The following ZBTB24 variants were observed in gnomAD, a reference collection of about 807,000 sequenced individuals.
ZBTB24 encodes zinc finger and BTB domain-containing protein 24.
In ZBTB24, 32 loss-of-function variants were observed where a neutral mutation model predicts 53.8. The observed-to-expected ratio is 0.60, with a 90% CI of 0.45 to 0.80. The LOEUF is 0.80. Ranked by LOEUF, ZBTB24 falls within the 30% of genes least tolerant of loss-of-function variation. ZBTB24 has a pLI of 0.00. For synonymous variants in ZBTB24, 297 were observed against 306.7 expected (o/e 0.97, Z 0.33); for missense variants, 722 against 837.1 (o/e 0.86, Z 1.70).
chr6:109,476,932 TG>T lies in ZBTB24; in HGVS notation c.953-3del. 1 of 1,613,798 alleles carries T rather than the reference TG, an allele frequency of 6.2e-7. No individual in the cohort carries two copies. The highest frequency in any genetic ancestry group is 8.5e-7 in the Non-Finnish European group (1 of 1,179,962). On this transcript the variant is annotated splice_polypyrimidine_tract_variant and splice_region_variant and intron_variant, in intron 2 of 6. Transcript: ENST00000230122. ...CATTACATTTGAAAGGTCGCTCCCC[TG>T]GAAGAAGAGCCCCAGAAGCATGGTA...
Position 109,481,293 on chromosome 6 carries a change from T to A in ZBTB24, c.734A>T (p.Asp245Val), listed in dbSNP as rs1175971574. The A allele has an allele frequency of 6.2e-7, 1 of 1,614,174 alleles. No homozygotes were observed. The highest frequency in any genetic ancestry group is 8.5e-7 in the Non-Finnish European group (1 of 1,180,020). Residue 245 changes from aspartate (D) to valine (V), a missense_variant, in exon 2 of 7, where the codon GAT becomes GTT. Asp to Val is a radical substitution (Grantham distance 152, BLOSUM62 -3). Coordinates refer to ENST00000230122, the MANE Select transcript of ZBTB24 (RefSeq NM_014797.3). ...GTATCGACTCTGGCTTGCCTGGCCA[T>A]CCTCGGTCTTGGGATCATAGTTCTC... ...KDENYDPKTE[D>V]GQASQSRYSK...
intron 5 of ZBTB24, among the ~76,000 whole-genome samples, chr6:109,471,377 A>C (rs1298648427): frequency 6.6e-6 from 1 of 152,212 alleles, no homozygotes; most frequent in African/African-American, 2.4e-5. Flanking sequence ...GGTCTCAGGA[A>C]GATGGGAAGA....
chr6:109,475,389 G>A lies in ZBTB24; in HGVS notation c.1288+10C>T, dbSNP rs1776258344. On this transcript the variant is annotated intron_variant, in intron 5 of 6. Coordinates refer to ENST00000230122, the MANE Select transcript of ZBTB24 (RefSeq NM_014797.3). ...CGTGTACTGGGGGGACAGACGAGAT[G>A]GAGTTTTACCTGTGTGTGTTCGCAG... 3 of 1,614,124 alleles carry A rather than the reference G, an allele frequency of 1.9e-6. No individual in the cohort carries two copies. The East Asian group carries it at 6.7e-5, about 36-fold the overall frequency.
In ZBTB24 at chr6:109,466,091, C is replaced by G. The variant is rs748919456; in HGVS notation, c.1854G>C (p.Gln618His). 5 of 1,614,214 alleles carry G rather than the reference C, an allele frequency of 3.1e-6. No homozygotes were observed. The East Asian group carries it at 8.9e-5, about 29-fold the overall frequency. Reference sequence around the variant, plus strand: ...TCTGGCTTTCAATCATATTGAGGCTCTGAATGTGTTCTGTTTGCTCCTGTT... The same window carrying G: ...TCTGGCTTTCAATCATATTGAGGCTGTGAATGTGTTCTGTTTGCTCCTGTT... ...SAQQEQTEHIQSLNMIESQMG... is the reference protein window; with the variant it reads ...SAQQEQTEHIHSLNMIESQMG... The change falls in exon 7 of 7, where the codon CAG (glutamine) becomes CAC (histidine). Residue 618 changes from glutamine to histidine, a missense_variant. Gln to His is a conservative substitution (Grantham distance 24). Transcript: ENST00000230122.
intron 4 of ZBTB24, 106 bp downstream of exon 4, chr6:109,476,069 G>T: frequency 7.8e-7 from 1 of 1,288,060 alleles, no homozygotes; most frequent in Non-Finnish European, 1.1e-6. Context: ...AATACCCTAT[G>T]TGAACGATAT....
chr6:109,478,867 ATGT>A (rs377584541), intron 2 of ZBTB24, among the ~76,000 whole-genome samples: 99 of 152,218 alleles, frequency 6.5e-4, no homozygotes, highest in African/African-American at 1.7e-3. Flanking sequence ...AGTGAGGAAA[ATGT>A]TGTTATCATT....
chr6:109,480,704 A>G (rs1328270492), intron 2 of ZBTB24, among the ~76,000 whole-genome samples: 1 of 152,264 alleles, frequency 6.6e-6, no homozygotes, highest in Non-Finnish European at 1.5e-5. Flanking sequence ...TGGACATTAA[A>G]GGATTCATTC....
intron 5 of ZBTB24, among the ~76,000 whole-genome samples, chr6:109,469,154 C>A (rs543418737): frequency 6.6e-5 from 10 of 152,306 alleles, no homozygotes; most frequent in African/African-American, 2.4e-4. Context: ...CTTACCACTA[C>A]AAAGATTAAA....
chr6:109,477,850 A>G (rs888761014), intron 2 of ZBTB24, among the ~76,000 whole-genome samples: 1 of 152,204 alleles, frequency 6.6e-6, no homozygotes, highest in African/African-American at 2.4e-5. Context: ...GTGGAACATG[A>G]GAGGTCCAAG....
intron 5 of ZBTB24, among the ~76,000 whole-genome samples, chr6:109,469,049 A>T (rs1776112816): frequency 6.6e-6 from 1 of 152,214 alleles, no homozygotes; most frequent in Non-Finnish European, 1.5e-5. Flanking sequence ...CACAGCATCT[A>T]CTGGAAAATT....
chr6:109,481,320 T>G lies in ZBTB24; in HGVS notation c.707A>C (p.Asp236Ala). 2 of 1,614,204 alleles carry G rather than the reference T, an allele frequency of 1.2e-6. No individual in the cohort carries two copies. Among genetic ancestry groups the G allele is most frequent in the Non-Finnish European group, 1.7e-6 (2 of 1,180,034 alleles). ...SREEEMPVEK[D>A]ENYDPKTEDG... ...CTCGGTCTTGGGATCATAGTTCTCA[T>G]CTTTTTCAACTGGCATTTCCTCCTC... The change falls in exon 2 of 7, where the codon GAT becomes GCT. Residue 236 changes from aspartate (D) to alanine (A), a missense_variant. By Grantham distance (126) the Asp-to-Ala change is moderately radical. Coordinates refer to ENST00000230122, the MANE Select transcript of ZBTB24 (RefSeq NM_014797.3).
rs1776401058 is a variant in ZBTB24, at chr6:109,481,166, C to A, written c.861G>T (p.Lys287Asn). 6.2e-7 allele frequency: 1 copy of A among 1,614,218 alleles called. No homozygotes were observed. The change falls in exon 2 of 7, where the codon AAG becomes AAT. Residue 287 changes from lysine (K) to asparagine (N), a missense_variant. By Grantham distance (94) the Lys-to-Asn change is moderately conservative. Transcript: ENST00000230122. ...AGCGGGCCTCAGGGCCTCCAGGGCGCTTTCTCCTTCCACAGATCCTCTTGG... is the reference window on the plus strand; with the variant it reads ...AGCGGGCCTCAGGGCCTCCAGGGCGATTTCTCCTTCCACAGATCCTCTTGG... Reference protein sequence around the residue: ...GSAKRICGRRKRPGGPEARCK... With the variant: ...GSAKRICGRRNRPGGPEARCK...
Position 109,466,152 on chromosome 6 carries a change from T to C in ZBTB24, c.1793A>G (p.Gln598Arg). The change falls in exon 7 of 7, where the codon CAG (glutamine) becomes CGG (arginine). Residue 598 changes from glutamine to arginine, a missense_variant. Gln to Arg is a conservative substitution (Grantham distance 43). Transcript: ENST00000230122. Reference sequence around the variant, plus strand: ...AATTAAATTCTGCAGTTGCTCTGGCTGCTGCGTGAGCAGGGTAAGATTAGC... The same window carrying C: ...AATTAAATTCTGCAGTTGCTCTGGCCGCTGCGTGAGCAGGGTAAGATTAGC... ...QAANLTLLTQ[Q>R]PEQLQNLILS... The C allele has an allele frequency of 6.2e-7, 1 of 1,614,268 alleles. No homozygotes were observed. Among genetic ancestry groups the C allele is most frequent in the Non-Finnish European group, 8.5e-7 (1 of 1,180,048 alleles).
Position 109,467,690 on chromosome 6 carries a change from C to A in ZBTB24, c.1333G>T (p.Ala445Ser). ...TCEICGKSFTAKSSLQTHIRI... is the reference protein window; with the variant it reads ...TCEICGKSFTSKSSLQTHIRI... Reference sequence around the variant, plus strand: ...ATGTGGGTCTGAAGAGAACTCTTTGCTGTGAAAGATTTGCCACAGATTTCA... The same window carrying A: ...ATGTGGGTCTGAAGAGAACTCTTTGATGTGAAAGATTTGCCACAGATTTCA... The change falls in exon 6 of 7, where the codon GCA (alanine) becomes TCA (serine). Residue 445 changes from alanine (A) to serine (S), a missense_variant. Ala to Ser is a moderately conservative substitution (Grantham distance 99). Transcript: ENST00000230122. 1 of 1,614,034 alleles carries A rather than the reference C, an allele frequency of 6.2e-7. No homozygotes were observed. Among genetic ancestry groups the A allele is most frequent in the Non-Finnish European group, 8.5e-7 (1 of 1,180,012 alleles).
chr6:109,473,880 A>G (rs12203098), intron 5 of ZBTB24, among the ~76,000 whole-genome samples: 7,665 of 152,032 alleles, frequency 0.05, 364 homozygotes, highest in East Asian at 0.21. Flanking sequence ...CAGGAGTTTG[A>G]GCGAGACCAG....
intron 2 of ZBTB24, among the ~76,000 whole-genome samples, chr6:109,479,078 T>C (rs982155339): frequency 2.0e-5 from 3 of 151,912 alleles, no homozygotes; most frequent in African/African-American, 7.3e-5. Flanking sequence ...AAAATAAAGT[T>C]AGAGAGAACA....
chr6:109,474,732 C>CAA (rs538851873), intron 5 of ZBTB24, among the ~76,000 whole-genome samples: 9,706 of 105,492 alleles, frequency 0.092, 961 homozygotes, highest in African/African-American at 0.27. Flanking sequence ...GACTCCGTCT[C>CAA]AAAAAAAAAA....
intron 5 of ZBTB24, among the ~76,000 whole-genome samples, chr6:109,468,884 C>CA (rs1776108814): frequency 1.1e-5 from 1 of 91,522 alleles, no homozygotes; most frequent in African/African-American, 4.2e-5. Flanking sequence ...TCCCCAGAAA[C>CA]AAAATTAAGT....
At chr6:109,466,719 T>C (rs1776052098) in intron 6 of ZBTB24, 145 bp from the exon 7 acceptor site, 1 of 1,182,596 alleles carries the variant, frequency 8.5e-7, no homozygotes, top group Non-Finnish European at 1.2e-6. Context: ...ATTCAAGGAC[T>C]TGAAGCAAGT....
Sources: allele counts gnomAD v4.1 joint callset (sites outside exome capture counted in the v4.1 genomes callset), GRCh38; gene constraint gnomAD v4.1.1; transcripts MANE v1.5; gene names NCBI Gene and HGNC (gene_info 2026-07-23, HGNC 2026-07-21).